The following SMOC1 variants were observed in gnomAD, a reference collection of about 807,000 sequenced individuals.
SMOC1 encodes the protein SPARC-related modular calcium-binding protein 1.
A neutral mutation model predicts 56.3 loss-of-function variants in SMOC1; 22 were observed. The ratio of observed to expected loss-of-function variants is 0.39; its 90% CI spans 0.28 to 0.56. SMOC1 has a LOEUF of 0.56. SMOC1 is among the 20% of genes least tolerant of loss of function. SMOC1 has a pLI of 0.61. For missense variants in SMOC1, 509 were observed against 565.4 expected (o/e 0.90, Z 1.01); for synonymous variants, 193 against 215.0 (o/e 0.90, Z 0.89).
chr14:69,921,002 C>G (rs1482254312), intron 1 of SMOC1, among the ~76,000 whole-genome samples: 1 of 152,196 alleles, frequency 6.6e-6, no homozygotes, highest in Non-Finnish European at 1.5e-5. Flanking sequence ...ACTGCCTGGT[C>G]CCTCACTCCA....
intron 8 of SMOC1, 26 bp from the exon 9 acceptor site, chr14:70,011,459 C>CCAT: frequency 2.3e-6 from 3 of 1,326,800 alleles, no homozygotes; most frequent in Non-Finnish European, 3.2e-6. Flanking sequence ...CCCCTCCCAA[C>CCAT]CCCCCCCATA....
chr14:69,951,329 C>T (rs1052345499), intron 1 of SMOC1, among the ~76,000 whole-genome samples: 5 of 152,148 alleles, frequency 3.3e-5, no homozygotes, highest in African/African-American at 1.2e-4. Context: ...GGAAATTAGA[C>T]TCCATAGCTC....
intron 10 of SMOC1, among the ~76,000 whole-genome samples, chr14:70,014,289 G>A (rs1885434937): frequency 1.3e-5 from 2 of 152,212 alleles, no homozygotes; most frequent in Admixed American, 1.3e-4. Context: ...GACAGAGGTG[G>A]AAGAATGGAG....
At chr14:69,951,549 G>C (rs1882995615) in intron 1 of SMOC1, among the ~76,000 whole-genome samples, 1 of 152,140 alleles carries the variant, frequency 6.6e-6, no homozygotes, top group South Asian at 2.1e-4. Flanking sequence ...TCTGTATTCT[G>C]CCAGAGAGAG....
intron 11 of SMOC1, among the ~76,000 whole-genome samples, chr14:70,028,074 A>G (rs997462376): frequency 5.3e-5 from 8 of 152,164 alleles, no homozygotes; most frequent in Non-Finnish European, 2.9e-5. Flanking sequence ...CTTGGGGACC[A>G]GTAGAGTTTT....
intron 7 of SMOC1, among the ~76,000 whole-genome samples, chr14:70,003,259 C>A (rs1304564557): frequency 1.3e-5 from 2 of 152,100 alleles, no homozygotes; most frequent in Non-Finnish European, 2.9e-5. Flanking sequence ...CTAATTTTTT[C>A]TTTAATATTC....
At chr14:69,916,985 C>A (rs1884703222) in intron 1 of SMOC1, among the ~76,000 whole-genome samples, 1 of 152,232 alleles carries the variant, frequency 6.6e-6, no homozygotes, top group Admixed American at 6.5e-5. Flanking sequence ...ATTTCTCAGA[C>A]TGACCATGCA....
At chr14:69,897,144 C>G (rs141756261) in intron 1 of SMOC1, among the ~76,000 whole-genome samples, 2,479 of 152,258 alleles carry the variant, frequency 0.016, 36 homozygotes, top group Non-Finnish European at 0.023. Context: ...TCTGGCCCCC[C>G]CTCCTCTCAA....
chr14:69,957,099 G>A (rs547729646), intron 3 of SMOC1, among the ~76,000 whole-genome samples: 1 of 152,106 alleles, frequency 6.6e-6, no homozygotes, highest in Non-Finnish European at 1.5e-5. Context: ...TTTCTGTTCT[G>A]GGTATCTGGA....
At chr14:69,937,164 T>C (rs1161576267) in intron 1 of SMOC1, among the ~76,000 whole-genome samples, 1 of 152,124 alleles carries the variant, frequency 6.6e-6, no homozygotes, top group African/African-American at 2.4e-5. Context: ...CTGCATTCTC[T>C]CTGGGAGTAG....
intron 1 of SMOC1, among the ~76,000 whole-genome samples, chr14:69,894,562 T>A (rs1231596166): frequency 2.6e-5 from 4 of 151,982 alleles, no homozygotes; most frequent in African/African-American, 7.3e-5. Flanking sequence ...CTGGACAAGG[T>A]AAGAGAGTGG....
intron 1 of SMOC1, among the ~76,000 whole-genome samples, chr14:69,943,305 C>T (rs1156231279): frequency 6.6e-6 from 1 of 152,208 alleles, no homozygotes; most frequent in Non-Finnish European, 1.5e-5. Flanking sequence ...CCCTTATCTT[C>T]CCTCTTCCAT....
intron 1 of SMOC1, chr14:69,886,173 C>A (rs1883805562): frequency 3.9e-6 from 4 of 1,013,904 alleles, no homozygotes; most frequent in Non-Finnish European, 6.0e-6. Flanking sequence ...CTCCTTTGAA[C>A]AACTTCTATA....
At chr14:70,004,896 C>T (rs1174009372) in intron 7 of SMOC1, among the ~76,000 whole-genome samples, 1 of 152,222 alleles carries the variant, frequency 6.6e-6, no homozygotes, top group Non-Finnish European at 1.5e-5. Flanking sequence ...GCTCTCTCCA[C>T]CCGTCTCCCC....
intron 3 of SMOC1, among the ~76,000 whole-genome samples, chr14:69,969,904 GAGAAC>G (rs1264217537): frequency 1.3e-5 from 2 of 152,184 alleles, no homozygotes; most frequent in Non-Finnish European, 2.9e-5. Flanking sequence ...TCAAATTGGA[GAGAAC>G]AGCAGCCTCA....
At position 69,913,646 on chromosome 14, in the gene SMOC1, T is replaced by C. The variant is rs1307623380; in HGVS notation, c.99+33869T>C. 3.9e-5 allele frequency among the ~76,000 whole-genome samples: 6 copies of C among 152,220 alleles called. No homozygotes were observed. In the East Asian group the frequency reaches 1.2e-3, roughly 29 times the overall value. On this transcript the variant is annotated intron_variant, in intron 1 of 11. Coordinates refer to ENST00000361956, the MANE Select transcript of SMOC1 (RefSeq NM_001034852.3). ...AGGCCCTGCAGTTGGTGGGGTAGAA[T>C]TGATTTAAATGAAACAGCCTGGGCA...
At chr14:70,002,398 T>G (rs1043946785) in intron 7 of SMOC1, among the ~76,000 whole-genome samples, 3 of 152,210 alleles carry the variant, frequency 2.0e-5, no homozygotes, top group Non-Finnish European at 4.4e-5. Context: ...TGAGCACAAT[T>G]TCGGTGGCTG....
At chr14:69,917,750 C>T (rs1479155927) in intron 1 of SMOC1, among the ~76,000 whole-genome samples, 1 of 152,146 alleles carries the variant, frequency 6.6e-6, no homozygotes, top group Non-Finnish European at 1.5e-5. Context: ...TCTATATGAA[C>T]AAAATCTGCT....
intron 11 of SMOC1, among the ~76,000 whole-genome samples, chr14:70,029,061 C>G (rs550701117): frequency 6.6e-6 from 1 of 152,292 alleles, no homozygotes; most frequent in African/African-American, 2.4e-5. Flanking sequence ...TTCTAGCTCC[C>G]AGGCTGTAGA....
Sources: allele counts gnomAD v4.1 joint callset (sites outside exome capture counted in the v4.1 genomes callset), GRCh38; gene constraint gnomAD v4.1.1; transcripts MANE v1.5; gene names NCBI Gene and HGNC (gene_info 2026-07-23, HGNC 2026-07-21).